ANKS1B: variants seen among roughly 807,000 people sequenced by gnomAD.
ANKS1B encodes ankyrin repeat and sterile alpha motif domain-containing protein 1B.
Under a neutral mutation model 148.3 loss-of-function variants are expected in ANKS1B, and 36 were observed. That is an observed-to-expected ratio of 0.24 (90% CI 0.19 to 0.32). The LOEUF is 0.32. ANKS1B is among the 10% of genes least tolerant of loss of function. The probability of loss-of-function intolerance (pLI) is 1.00; values close to 1 mark genes in which losing one functional copy is unlikely to be tolerated. For synonymous variants in ANKS1B, 542 were observed against 560.8 expected (o/e 0.97, Z 0.47); for missense variants, 1,157 against 1,542.6 (o/e 0.75, Z 4.19).
chr12:98,975,042 T>C (rs1597862171), intron 17 of ANKS1B, among the ~76,000 whole-genome samples: 3 of 120,724 alleles, frequency 2.5e-5, no homozygotes, highest in East Asian at 5.9e-4. Flanking sequence ...TCCTTTTCCT[T>C]CCTTCCTTTC....
At chr12:99,805,268 A>AAAAAAAAC in intron 4 of ANKS1B, among the ~76,000 whole-genome samples, 1 of 142,688 alleles carries the variant, frequency 7.0e-6, no homozygotes, top group African/African-American at 2.6e-5. Context: ...AAAGGCAAAA[A>AAAAAAAAC]AAAAAAAAAA....
chr12:99,399,727 T>C lies in ANKS1B; in HGVS notation c.1660A>G (p.Thr554Ala), dbSNP rs1249406030. Residue 554 changes from threonine to alanine, a missense_variant, in exon 12 of 27, where the codon ACA (threonine) becomes GCA (alanine). By Grantham distance (58) the Thr-to-Ala change is moderately conservative (BLOSUM62 0). Transcript: ENST00000683438. Reference protein sequence around the residue: ...NQEYFEINTSTGCTSFTASPP... With the variant: ...NQEYFEINTSAGCTSFTASPP... ...CTGGCAGTAAAGCTTGTGCACCCTGTAGATGTGTTGATTTCAAAATATTCT... is the reference window on the plus strand; with the variant it reads ...CTGGCAGTAAAGCTTGTGCACCCTGCAGATGTGTTGATTTCAAAATATTCT... 3 of 1,613,438 alleles carry C rather than the reference T, an allele frequency of 1.9e-6. No individual in the cohort carries two copies.
intron 2 of ANKS1B, among the ~76,000 whole-genome samples, chr12:99,816,699 T>G (rs571612849): frequency 6.6e-6 from 1 of 151,888 alleles, no homozygotes; most frequent in African/African-American, 2.4e-5. Flanking sequence ...TCTGTCAGTT[T>G]TACTAAGTTA....
At chr12:99,236,208 C>A (rs1211645503) in intron 14 of ANKS1B, among the ~76,000 whole-genome samples, 2 of 152,170 alleles carry the variant, frequency 1.3e-5, no homozygotes, top group Admixed American at 1.3e-4. Flanking sequence ...AAGGATAATA[C>A]TATTGGGTTT....
chr12:98,892,337 G>C (rs2099754389), intron 17 of ANKS1B, among the ~76,000 whole-genome samples: 1 of 152,182 alleles, frequency 6.6e-6, no homozygotes, highest in Non-Finnish European at 1.5e-5. Context: ...CAATGAGAAT[G>C]GCTTGATAAC....
At chr12:99,800,525 G>C (rs1475008965) in intron 4 of ANKS1B, among the ~76,000 whole-genome samples, 1 of 150,306 alleles carries the variant, frequency 6.7e-6, no homozygotes, top group Non-Finnish European at 1.5e-5. Flanking sequence ...TAATCTTGAA[G>C]ATAATGTAAA....
chr12:98,810,517 A>T (rs2099086515), intron 19 of ANKS1B, among the ~76,000 whole-genome samples: 1 of 152,200 alleles, frequency 6.6e-6, no homozygotes, highest in Non-Finnish European at 1.5e-5. Flanking sequence ...GGTGCTTCCC[A>T]GCCTGCGGGA....
chr12:98,968,291 G>A (rs767375823), intron 17 of ANKS1B, among the ~76,000 whole-genome samples: 1 of 152,094 alleles, frequency 6.6e-6, no homozygotes, highest in Non-Finnish European at 1.5e-5. Context: ...ACCAGCACAC[G>A]TGGGTATTTG....
intron 1 of ANKS1B, among the ~76,000 whole-genome samples, chr12:99,861,485 A>G (rs1021946868): frequency 6.6e-6 from 1 of 152,178 alleles, no homozygotes; most frequent in Non-Finnish European, 1.5e-5. Context: ...ATCCGTATCA[A>G]CCTGCAATTC....
At chr12:98,978,902 G>A (rs1420229917) in intron 17 of ANKS1B, among the ~76,000 whole-genome samples, 1 of 152,066 alleles carries the variant, frequency 6.6e-6, no homozygotes, top group Non-Finnish European at 1.5e-5. Flanking sequence ...CCAGCATTTT[G>A]GGAGGCCGAG....
At chr12:99,501,831 T>G (rs1393371947) in intron 10 of ANKS1B, among the ~76,000 whole-genome samples, 3 of 152,352 alleles carry the variant, frequency 2.0e-5, no homozygotes, top group African/African-American at 7.2e-5. Flanking sequence ...TGTTTTGGCT[T>G]GATTATTTCT....
chr12:98,797,032 T>C (rs1209237962), intron 22 of ANKS1B, among the ~76,000 whole-genome samples: 1 of 152,282 alleles, frequency 6.6e-6, no homozygotes, highest in East Asian at 1.9e-4. Flanking sequence ...TAGTTAAGAG[T>C]ATTAAATCAG....
chr12:99,720,370 T>C (rs1196598645), intron 8 of ANKS1B, among the ~76,000 whole-genome samples: 2 of 152,200 alleles, frequency 1.3e-5, no homozygotes, highest in Admixed American at 1.3e-4. Context: ...GCCACCGCAG[T>C]CATTTCTTTC....
chr12:99,216,976 G>C (rs1028717919), intron 14 of ANKS1B, among the ~76,000 whole-genome samples: 1 of 152,098 alleles, frequency 6.6e-6, no homozygotes, highest in South Asian at 2.1e-4. Flanking sequence ...ATGGATGGAT[G>C]GACATAGCTG....
intron 1 of ANKS1B, among the ~76,000 whole-genome samples, chr12:99,946,830 G>C (rs2095075301): frequency 6.6e-6 from 1 of 152,106 alleles, no homozygotes; most frequent in Admixed American, 6.5e-5. Context: ...TTCCACAAAG[G>C]AGGACAGAAA....
intron 12 of ANKS1B, among the ~76,000 whole-genome samples, chr12:99,306,589 C>T (rs2082381176): frequency 6.6e-6 from 1 of 152,064 alleles, no homozygotes; most frequent in African/African-American, 2.4e-5. Flanking sequence ...TTTTTATCAA[C>T]TGGATGCTGT....
At chr12:98,780,066 T>C (rs562949398) in intron 24 of ANKS1B, among the ~76,000 whole-genome samples, 2 of 152,228 alleles carry the variant, frequency 1.3e-5, no homozygotes, top group African/African-American at 2.4e-5. Context: ...TGGGGTTTAA[T>C]AGAGACACCA....
intron 12 of ANKS1B, among the ~76,000 whole-genome samples, chr12:99,369,539 G>T (rs1398851654): frequency 2.0e-5 from 3 of 152,106 alleles, no homozygotes; most frequent in Non-Finnish European, 2.9e-5. Context: ...TAGATAGACA[G>T]ATGCTAGATG....
chr12:99,961,333 T>C (rs1056129712), intron 1 of ANKS1B, among the ~76,000 whole-genome samples: 3 of 152,154 alleles, frequency 2.0e-5, no homozygotes, highest in African/African-American at 7.2e-5. Flanking sequence ...GAAGAAAGAC[T>C]TCTGGTTTGA....
Sources: allele counts gnomAD v4.1 joint callset (sites outside exome capture counted in the v4.1 genomes callset), GRCh38; gene constraint gnomAD v4.1.1; transcripts MANE v1.5; gene names NCBI Gene and HGNC (gene_info 2026-07-23, HGNC 2026-07-21).